Variants in MOB4 observed in about 807,000 individuals in gnomAD.
MOB4 encodes the protein MOB-like protein phocein.
In MOB4, 4 loss-of-function variants were observed where a neutral mutation model predicts 32.2. The ratio of observed to expected loss-of-function variants is 0.12; its 90% CI spans 0.06 to 0.28. The LOEUF is 0.28. MOB4 is among the 10% of genes least tolerant of loss of function. MOB4 has a pLI of 1.00. For missense variants in MOB4, 158 were observed against 271.2 expected (o/e 0.58, Z 2.93); for synonymous variants, 88 against 88.1 (o/e 1.00, Z 0.01).
intron 6 of MOB4, among the ~76,000 whole-genome samples, chr2:197,549,730 T>C (rs139293892): frequency 0.034 from 5,099 of 151,764 alleles, 127 homozygotes; most frequent in Middle Eastern, 0.058. Context: ...TTGTATTTTC[T>C]AGTAGAGACG....
At chr2:197,538,028 T>G (rs1234346930) in intron 3 of MOB4, among the ~76,000 whole-genome samples, 1 of 152,192 alleles carries the variant, frequency 6.6e-6, no homozygotes, top group East Asian at 1.9e-4. Flanking sequence ...TCTGCCCACC[T>G]TGGCCTCCCA....
At chr2:197,516,012 G>C, upstream of MOB4, 4 of 1,470,538 alleles carry the variant, frequency 2.7e-6, no homozygotes, top group South Asian at 4.9e-5. Flanking sequence ...GCAGAGCGCC[G>C]CTCTGCCCCG....
intron 2 of MOB4, among the ~76,000 whole-genome samples, chr2:197,533,160 A>G (rs2086736488): frequency 6.6e-6 from 1 of 152,222 alleles, no homozygotes; most frequent in Non-Finnish European, 1.5e-5. Flanking sequence ...ACAAAAATGA[A>G]TAGACAGATT....
At position 197,553,120 on chromosome 2, in the gene MOB4, C is replaced by T. The variant is rs866217569; in HGVS notation, c.*2474C>T. ...AGTTAAATTCTTGATGACTTAACAA[C>T]TTTTACTATCAGAATACAATTAGAA... On this transcript the variant is annotated 3_prime_UTR_variant, in exon 8 of 8. Transcript: ENST00000323303. 1 of 152,136 alleles carries T rather than the reference C, an allele frequency of 6.6e-6. No individual in the cohort carries two copies. The highest frequency in any genetic ancestry group is 1.5e-5 in the Non-Finnish European group (1 of 68,018). The allele number at this position is 152,136 out of a possible 1,614,324, so 9.4% of individuals were successfully genotyped here. A position where few individuals can be genotyped will look rare whatever the true frequency, so the allele number is the denominator to read the frequency against.
At chr2:197,536,798 A>C (rs904789171) in intron 3 of MOB4, among the ~76,000 whole-genome samples, 1 of 151,396 alleles carries the variant, frequency 6.6e-6, no homozygotes, top group African/African-American at 2.4e-5. Context: ...GGGTTTCACT[A>C]TGTTGGCCAG....
At chr2:197,542,851 C>T (rs115619172) in intron 5 of MOB4, among the ~76,000 whole-genome samples, 1,847 of 152,134 alleles carry the variant, frequency 0.012, 34 homozygotes, top group African/African-American at 0.042. Context: ...GGGAAGGCAG[C>T]TAAAAACAAT....
intron 1 of MOB4, among the ~76,000 whole-genome samples, chr2:197,517,270 G>C (rs1365545371): frequency 6.6e-6 from 1 of 152,192 alleles, no homozygotes; most frequent in African/African-American, 2.4e-5. Flanking sequence ...TCTTTAACAA[G>C]CTGCTTCTAG....
intron 1 of MOB4, 62 bp downstream of exon 1, chr2:197,516,208 C>G: frequency 6.5e-7 from 1 of 1,544,688 alleles, no homozygotes; most frequent in Non-Finnish European, 8.7e-7. Flanking sequence ...CGCCCGGAAG[C>G]TGGCCGCCAC....
At chr2:197,530,658 C>T (rs2086685666) in intron 2 of MOB4, among the ~76,000 whole-genome samples, 1 of 152,062 alleles carries the variant, frequency 6.6e-6, no homozygotes, top group Admixed American at 6.6e-5. Flanking sequence ...CAGGGTCTCA[C>T]TCTGTCATTC....
intron 3 of MOB4, among the ~76,000 whole-genome samples, chr2:197,536,122 C>A (rs2086793778): frequency 6.6e-6 from 1 of 152,006 alleles, no homozygotes; most frequent in Admixed American, 6.6e-5. Flanking sequence ...TAGTCTCAAA[C>A]TCCTGGATTC....
chr2:197,534,594 G>A (rs2086765519), intron 2 of MOB4, among the ~76,000 whole-genome samples: 2 of 152,184 alleles, frequency 1.3e-5, no homozygotes, highest in Non-Finnish European at 2.9e-5. Context: ...CCAGGCTGGA[G>A]TGCAGTGGCA....
In MOB4 at chr2:197,516,130, C is replaced by G; in HGVS notation, c.44C>G (p.Pro15Arg). ...EGTAVLRRNR[P>R]GTKAQDFYNW... ...ACGGCAGTGCTGAGGCGGAACAGGC[C>G]GGGCACCAAGGCGCAGGTACCATGT... The change falls in exon 1 of 8, where the codon CCG becomes CGG. Residue 15 changes from proline to arginine, a missense_variant. Pro to Arg is a moderately radical substitution (Grantham distance 103). This residue lies in a region of MOB4 where 41 missense variants were observed against 26.4 expected (regional missense o/e 1.55). Transcript: ENST00000323303. 6.2e-7 allele frequency: 1 copy of G among 1,604,428 alleles called. No homozygotes were observed. Among genetic ancestry groups the G allele is most frequent in the Non-Finnish European group, 8.5e-7 (1 of 1,176,592 alleles).
chr2:197,524,376 T>TA (rs2086571503), intron 2 of MOB4, among the ~76,000 whole-genome samples: 1 of 150,324 alleles, frequency 6.7e-6, no homozygotes, highest in Non-Finnish European at 1.5e-5. Flanking sequence ...ACTAAAAACA[T>TA]AAAAAATTAG....
intron 2 of MOB4, among the ~76,000 whole-genome samples, chr2:197,530,242 A>G (rs2106115716): frequency 6.6e-6 from 1 of 151,882 alleles, no homozygotes; most frequent in East Asian, 1.9e-4. Context: ...TGCTAGGATT[A>G]CAGGTGTGAG....
In MOB4 at chr2:197,553,627, G is replaced by C. The variant is rs2087132741; in HGVS notation, c.*2981G>C. ...ATACTTTATTTTGTGAATCCTTGTT[G>C]AATGTGCTAAAGGTTTCTTTGTGTA... is the stretch of plus-strand genomic sequence containing the variant. On this transcript the variant is annotated 3_prime_UTR_variant, in exon 8 of 8. Coordinates refer to ENST00000323303, the MANE Select transcript of MOB4 (RefSeq NM_015387.5). 6.6e-6 allele frequency: 1 copy of C among 152,120 alleles called. No individual in the cohort carries two copies. The highest frequency in any genetic ancestry group is 1.5e-5 in the Non-Finnish European group (1 of 68,018). The allele number at this position is 152,120 out of a possible 1,614,324, so 9.4% of individuals were successfully genotyped here.
chr2:197,517,644 T>C (rs1418169319), intron 1 of MOB4, among the ~76,000 whole-genome samples: 2 of 152,146 alleles, frequency 1.3e-5, no homozygotes, highest in Non-Finnish European at 2.9e-5. Context: ...TTATTGTCTT[T>C]TTTTTTCACA....
rs560534715 is a variant in MOB4, at chr2:197,524,936, G to A, written c.123+1250G>A. On this transcript the variant is annotated intron_variant, in intron 2 of 7. Coordinates refer to ENST00000323303, the MANE Select transcript of MOB4 (RefSeq NM_015387.5). ...TAGGCGCACACTGCCACATCTGGCT[G>A]ATTTTTTGTAGAGATGGGGTTTCAC... is the stretch of plus-strand genomic sequence containing the variant. Among the ~76,000 whole-genome samples the A allele has an allele frequency of 2.6e-4, 39 of 152,256 alleles. No individual in the cohort carries two copies. In the South Asian group the frequency reaches 7.7e-3, roughly 30 times the overall value.
At chr2:197,535,654 A>G (rs1384371654) in intron 3 of MOB4, 24 bp downstream of exon 3, 2 of 1,586,266 alleles carry the variant, frequency 1.3e-6, no homozygotes, top group Admixed American at 1.9e-5. Context: ...TCAAAATACT[A>G]ATAGTACCTC....
chr2:197,529,227 C>CAG (rs1230515831), intron 2 of MOB4, among the ~76,000 whole-genome samples: 1 of 152,164 alleles, frequency 6.6e-6, no homozygotes, highest in Non-Finnish European at 1.5e-5. Flanking sequence ...CTCAGCCTCA[C>CAG]AGAGTACTGG....
Sources: allele counts gnomAD v4.1 joint callset (sites outside exome capture counted in the v4.1 genomes callset), GRCh38; gene constraint gnomAD v4.1.1; regional missense constraint gnomAD v4.1.1; transcripts MANE v1.5; gene names NCBI Gene and HGNC (gene_info 2026-07-23, HGNC 2026-07-21).